Variants in RYR3 observed in about 807,000 individuals in gnomAD.
The protein encoded by RYR3 is brain ryanodine receptor-calcium release channel.
RYR3 carries 207 observed loss-of-function variants against 584.3 expected under a neutral mutation model. That is an observed-to-expected ratio of 0.35 (90% confidence interval 0.32 to 0.40). The LOEUF (loss-of-function observed/expected upper bound fraction) is 0.40, where lower values mean the gene tolerates loss of function less well. RYR3 is among the 10% of genes least tolerant of loss of function. The pLI, the probability that RYR3 is intolerant of heterozygous loss-of-function variation, is 1.00. For missense variants in RYR3, 5,616 were observed against 6,089.2 expected (o/e 0.92, Z 2.59); for synonymous variants, 2,416 against 2,248.5 (o/e 1.07, Z -2.11).
At chr15:33,837,432 CCTT>C (rs1334893731) in intron 88 of RYR3, among the ~76,000 whole-genome samples, 196 bp from the exon 89 acceptor site, 2 of 152,200 alleles carry the variant, frequency 1.3e-5, no homozygotes, top group African/African-American at 4.8e-5. Context: ...GTGGCCACCT[CCTT>C]CTTCCCTTTG....
chr15:33,863,035 GTCT>G, intron 102 of RYR3, among the ~76,000 whole-genome samples: 1 of 152,318 alleles, frequency 6.6e-6, no homozygotes, highest in East Asian at 1.9e-4. Context: ...ATGGCCACGT[GTCT>G]GTACCCATGG....
intron 1 of RYR3, among the ~76,000 whole-genome samples, chr15:33,393,971 CAG>C (rs2042153200): frequency 6.6e-6 from 1 of 152,210 alleles, no homozygotes; most frequent in Non-Finnish European, 1.5e-5. Context: ...AATGAAGACA[CAG>C]AGACACAGGA....
intron 27 of RYR3, among the ~76,000 whole-genome samples, chr15:33,641,375 G>A (rs2061814456): frequency 6.6e-6 from 1 of 152,208 alleles, no homozygotes; most frequent in Admixed American, 6.5e-5. Flanking sequence ...AGAGCACTAA[G>A]CCTGACATTT....
At position 33,821,260 on chromosome 15, in the gene RYR3, TTCC is replaced by T; in HGVS notation, c.10816-9_10816-7del. On this transcript the variant is annotated splice_region_variant and splice_polypyrimidine_tract_variant and intron_variant, in intron 78 of 103. Transcript: ENST00000634891. ...AACCAATCTTTCCCTGTGATTTTTT[TTCC>T]CCCCAGGAGAAAGAGATGGAGAAGC... 2 of 1,580,676 alleles carry T rather than the reference TTCC, an allele frequency of 1.3e-6. No homozygotes were observed. Among genetic ancestry groups the T allele is most frequent in the South Asian group, 2.3e-5 (2 of 85,996 alleles).
intron 1 of RYR3, among the ~76,000 whole-genome samples, chr15:33,401,684 A>G (rs1364847373): frequency 6.6e-6 from 1 of 152,200 alleles, no homozygotes; most frequent in African/African-American, 2.4e-5. Context: ...ACCACCATTT[A>G]ACAGTTTTGA....
At position 33,662,695 on chromosome 15, in the gene RYR3, T is replaced by C; in HGVS notation, c.5165T>C (p.Phe1722Ser). ...DPVGGSVEFQ[F>S]VPVLKLIGTL... is the part of the protein sequence containing the mutation. ...GTAGGGGGGTCTGTGGAGTTCCAGT[T>C]TGTGCCTGTGCTGAAACTCATTGGA... Residue 1722 changes from phenylalanine to serine, a missense_variant, in exon 35 of 104, where the codon TTT becomes TCT. Coordinates refer to ENST00000634891, the MANE Select transcript of RYR3 (RefSeq NM_001036.6). The C allele has an allele frequency of 6.2e-7, 1 of 1,614,122 alleles. No homozygotes were observed. Among genetic ancestry groups the C allele is most frequent in the Non-Finnish European group, 8.5e-7 (1 of 1,180,032 alleles).
rs531973459 is a variant in RYR3 at position 33,593,445 on chromosome 15, G to GA, written c.1788+7336dup. Among the ~76,000 whole-genome samples the GA allele has an allele frequency of 2.6e-4, 39 of 152,038 alleles. 1 individual carries two copies. Among genetic ancestry groups the GA allele is most frequent in the Admixed American group, 2.2e-3 (33 of 15,284 alleles). On this transcript the variant is annotated intron_variant, in intron 16 of 103. Transcript: ENST00000634891. ...AGAAAACAGTGGGGAGGAAGGGAGAGAAAAAAACAATGAACAAAAGAACAA... is the reference window on the plus strand; with the variant it reads ...AGAAAACAGTGGGGAGGAAGGGAGAGAAAAAAAACAATGAACAAAAGAACAA...
chr15:33,440,745 A>G (rs1334634554), intron 1 of RYR3, among the ~76,000 whole-genome samples: 3 of 152,256 alleles, frequency 2.0e-5, no homozygotes, highest in South Asian at 2.1e-4. Context: ...AACTTGGTAG[A>G]GCCGTAAAAC....
intron 86 of RYR3, among the ~76,000 whole-genome samples, chr15:33,833,002 CAAA>C (rs66477732): frequency 1.7e-4 from 19 of 112,620 alleles, no homozygotes; most frequent in African/African-American, 2.3e-4. Context: ...AACTCTGTCT[CAAA>C]AAAAAAAAAA....
intron 1 of RYR3, among the ~76,000 whole-genome samples, chr15:33,316,759 A>G (rs1246521048): frequency 6.6e-6 from 1 of 152,216 alleles, no homozygotes; most frequent in Non-Finnish European, 1.5e-5. Flanking sequence ...ATAGGATATT[A>G]TCATTGTGTC....
intron 69 of RYR3, among the ~76,000 whole-genome samples, chr15:33,805,248 C>G (rs1596687436): frequency 6.6e-6 from 1 of 152,004 alleles, no homozygotes; most frequent in Admixed American, 6.5e-5. Flanking sequence ...AGGTTATAAA[C>G]AATAAAATCA....
intron 1 of RYR3, among the ~76,000 whole-genome samples, chr15:33,404,520 A>G (rs2042890856): frequency 6.6e-6 from 1 of 151,806 alleles, no homozygotes; most frequent in African/African-American, 2.4e-5. Flanking sequence ...AGCTAATCCA[A>G]CTAGCATATC....
At chr15:33,476,613 A>C (rs1159651085) in intron 2 of RYR3, among the ~76,000 whole-genome samples, 8 of 152,224 alleles carry the variant, frequency 5.3e-5, no homozygotes, top group East Asian at 1.9e-4. Context: ...ATGGTAAAAA[A>C]ATAATATGCC....
At chr15:33,550,453 TTTC>T (rs2056597408) in intron 10 of RYR3, 137 bp downstream of exon 10, 4 of 767,506 alleles carry the variant, frequency 5.2e-6, no homozygotes, top group Non-Finnish European at 6.2e-6. Flanking sequence ...AGATAAACAC[TTTC>T]TTCTTTTATC....
At chr15:33,510,679 T>G (rs916701887) in intron 3 of RYR3, among the ~76,000 whole-genome samples, 59 of 152,188 alleles carry the variant, frequency 3.9e-4, no homozygotes, top group African/African-American at 1.4e-3. Context: ...TGACAGGTTT[T>G]CTTTCCTCAA....
In RYR3 at chr15:33,688,572, CAA is replaced by C. The variant is rs34312921; in HGVS notation, c.5861-7628_5861-7627del. On this transcript the variant is annotated intron_variant, in intron 38 of 103. Coordinates refer to ENST00000634891, the MANE Select transcript of RYR3 (RefSeq NM_001036.6). ...TGGGCGACAGAGCGAGACTCCATCT[CAA>C]AAAAAAAAAAAAAAAAAGACATTTA... Among the ~76,000 whole-genome samples, 151 of 63,608 alleles carry C rather than the reference CAA, an allele frequency of 2.4e-3. No individual in the cohort carries two copies. The East Asian group carries it at 0.038, about 16-fold the overall frequency. 41.7% of individuals were successfully genotyped at this position (63,608 alleles called of 152,430 possible).
chr15:33,780,487 G>A, intron 65 of RYR3, 146 bp downstream of exon 65: 1 of 731,460 alleles, frequency 1.4e-6, no homozygotes, highest in Non-Finnish European at 2.2e-6. Context: ...TAGGTTGCAG[G>A]TCTGCATCTT....
At position 33,785,927 on chromosome 15, in the gene RYR3, A is replaced by T. The variant is rs1359648998; in HGVS notation, c.9534A>T (p.Lys3178Asn). The T allele has an allele frequency of 6.2e-7, 1 of 1,610,066 alleles. No homozygotes were observed. Among genetic ancestry groups the T allele is most frequent in the Non-Finnish European group, 8.5e-7 (1 of 1,177,374 alleles). ...GTCTCATCCTGGGCAACATTCTGAA[A>T]ATCATCAACAACAACCTGGGCATCG... is the stretch of plus-strand genomic sequence containing the variant. Reference protein sequence around the residue: ...HLSLILGNILKIINNNLGIDE... With the variant: ...HLSLILGNILNIINNNLGIDE... The change falls in exon 66 of 104, where the codon AAA (lysine) becomes AAT (asparagine). Residue 3178 changes from lysine (K) to asparagine (N), a missense_variant. Around this residue, in one of 9 missense-constraint regions of RYR3, gnomAD observed 954 missense variants for 1,132.2 expected, o/e 0.84. Coordinates refer to ENST00000634891, the MANE Select transcript of RYR3 (RefSeq NM_001036.6).
At chr15:33,438,972 G>A (rs1243841306) in intron 1 of RYR3, among the ~76,000 whole-genome samples, 1 of 152,028 alleles carries the variant, frequency 6.6e-6, no homozygotes, top group South Asian at 2.1e-4. Context: ...TGAGAGAATG[G>A]GCCGATGCTG....
Sources: gnomAD v4.1 joint callset for allele counts (sites outside exome capture counted in the v4.1 genomes callset) on GRCh38, gnomAD v4.1.1 for gene constraint, gnomAD v4.1.1 regional missense constraint, MANE v1.5 for transcripts, NCBI Gene and HGNC (gene_info 2026-07-23, HGNC 2026-07-21) for gene names.